LATS1: variants seen among roughly 807,000 people sequenced by gnomAD.
The protein encoded by LATS1 is large tumor suppressor kinase 1.
A neutral mutation model predicts 106.6 loss-of-function variants in LATS1; 25 were observed. That is an observed-to-expected ratio of 0.23 (90% CI 0.17 to 0.33). The LOEUF is 0.33. Ranked by LOEUF, LATS1 falls within the 10% of genes least tolerant of loss-of-function variation. The pLI, the probability that LATS1 is intolerant of heterozygous loss-of-function variation, is 1.00. For missense variants in LATS1, 1,040 were observed against 1,382.6 expected (o/e 0.75, Z 3.93); for synonymous variants, 465 against 455.6 (o/e 1.02, Z -0.26).
chr6:149,698,058 A>G (rs1022213674), intron 2 of LATS1, among the ~76,000 whole-genome samples: 1 of 152,148 alleles, frequency 6.6e-6, no homozygotes, highest in Non-Finnish European at 1.5e-5. Context: ...TGTTAAATGC[A>G]CTAGAATTTC....
rs187764871 is a variant in LATS1, at chr6:149,683,431, T to A, written c.1658A>T (p.Gln553Leu). ...MPPVAEAPNY[Q>L]GPPPPYPKHL... ...TTTTGGGTAGGGTGGTGGTGGTCCT[T>A]GATAGTTTGGAGCTTCAGCAACAGG... Residue 553 changes from glutamine to leucine, a missense_variant, in exon 4 of 8, where the codon CAA (glutamine) becomes CTA (leucine). By Grantham distance (113) the Gln-to-Leu change is moderately radical. Coordinates refer to ENST00000543571, the MANE Select transcript of LATS1 (RefSeq NM_004690.4). 4 of 1,614,138 alleles carry A rather than the reference T, an allele frequency of 2.5e-6. No individual in the cohort carries two copies. In the East Asian group the frequency reaches 6.7e-5, roughly 27 times the overall value.
chr6:149,683,826 T>C lies in LATS1; in HGVS notation c.1263A>G (p.Leu421=), dbSNP rs780378755. The part of the protein sequence containing the change: ...VPNRNSHNME[L]YNISVPGLQT... ...GCAGTCCAGGTACACTAATGTTATA[T>C]AGTTCCATGTTATGACTATTTCTGT... Residue 421 remains leucine (L), a synonymous_variant, in exon 4 of 8, where the codon CTA becomes CTG. Coordinates refer to ENST00000543571, the MANE Select transcript of LATS1 (RefSeq NM_004690.4). 14 of 1,613,980 alleles carry C rather than the reference T, an allele frequency of 8.7e-6. No homozygotes were observed. The highest frequency in any genetic ancestry group is 1.6e-4 in the Middle Eastern group (1 of 6,084).
At chr6:149,671,952 T>C (rs923223481) in intron 7 of LATS1, among the ~76,000 whole-genome samples, 1 of 151,044 alleles carries the variant, frequency 6.6e-6, no homozygotes, top group African/African-American at 2.4e-5. Flanking sequence ...ACAGTGGCAC[T>C]GTACGGGCTC....
At chr6:149,701,362 T>C (rs1380804653) in intron 2 of LATS1, among the ~76,000 whole-genome samples, 1 of 152,206 alleles carries the variant, frequency 6.6e-6, no homozygotes, top group Non-Finnish European at 1.5e-5. Flanking sequence ...TTACACAAAC[T>C]CTTAACTATA....
At chr6:149,692,465 C>G (rs1193746508) in intron 3 of LATS1, among the ~76,000 whole-genome samples, 1 of 152,056 alleles carries the variant, frequency 6.6e-6, no homozygotes, top group Non-Finnish European at 1.5e-5. Context: ...TACCATGTAA[C>G]TCTCCTCTCT....
intron 1 of LATS1, among the ~76,000 whole-genome samples, chr6:149,713,335 C>T (rs965262580): frequency 6.6e-6 from 1 of 151,986 alleles, no homozygotes; most frequent in South Asian, 2.1e-4. Context: ...CCCTCTGTTG[C>T]CCAGGCTGGA....
chr6:149,682,314 T>TA (rs1782083536), intron 4 of LATS1, among the ~76,000 whole-genome samples: 1 of 152,124 alleles, frequency 6.6e-6, no homozygotes, highest in South Asian at 2.1e-4. Flanking sequence ...TTACACTTTT[T>TA]AATAAGATAT....
chr6:149,708,752 C>G (rs183747475), intron 1 of LATS1, among the ~76,000 whole-genome samples: 1 of 152,216 alleles, frequency 6.6e-6, no homozygotes, highest in Non-Finnish European at 1.5e-5. Context: ...GAGAACCCTA[C>G]TGACTCCCAC....
intron 7 of LATS1, among the ~76,000 whole-genome samples, chr6:149,664,153 G>A (rs1489023416): frequency 3.5e-5 from 4 of 115,374 alleles, no homozygotes; most frequent in African/African-American, 1.0e-4. Context: ...GGATTTTTCA[G>A]TTTAAGGCAA....
intron 5 of LATS1, among the ~76,000 whole-genome samples, chr6:149,678,858 G>C (rs1440902550): frequency 6.6e-6 from 1 of 152,140 alleles, no homozygotes; most frequent in Non-Finnish European, 1.5e-5. Flanking sequence ...CTGCCTCACA[G>C]TGACATTGTG....
chr6:149,704,475 C>A (rs578127094), intron 1 of LATS1, among the ~76,000 whole-genome samples: 1 of 147,536 alleles, frequency 6.8e-6, no homozygotes, highest in African/African-American at 2.4e-5. Flanking sequence ...AATGGGTAAA[C>A]TTAGGGGTTT....
chr6:149,716,067 T>C (rs1368826740), intron 1 of LATS1: 2 of 151,752 alleles, frequency 1.3e-5, no homozygotes, highest in Non-Finnish European at 1.5e-5. Flanking sequence ...TTTTTAAAGT[T>C]CAGACCCTCA....
chr6:149,714,574 G>T (rs1784284487), intron 1 of LATS1, among the ~76,000 whole-genome samples: 2 of 152,074 alleles, frequency 1.3e-5, no homozygotes, highest in Non-Finnish European at 2.9e-5. Flanking sequence ...TTCAGAAGAA[G>T]CTGTTTAATT....
At chr6:149,700,113 C>T (rs1783369062) in intron 2 of LATS1, among the ~76,000 whole-genome samples, 1 of 152,140 alleles carries the variant, frequency 6.6e-6, no homozygotes, top group Admixed American at 6.6e-5. Flanking sequence ...ATTTTTAGAA[C>T]ACTTAAGTGT....
At chr6:149,710,298 A>G (rs531142130) in intron 1 of LATS1, among the ~76,000 whole-genome samples, 10 of 152,328 alleles carry the variant, frequency 6.6e-5, no homozygotes, top group African/African-American at 2.4e-4. Context: ...AAAATATTTT[A>G]CAGAGTTTGA....
intron 7 of LATS1, among the ~76,000 whole-genome samples, chr6:149,664,760 G>T (rs1012509698): frequency 6.6e-6 from 1 of 152,082 alleles, no homozygotes; most frequent in Admixed American, 6.6e-5. Flanking sequence ...TCACTATGTT[G>T]TCCACGCTGG....
rs1562364706 is a variant in LATS1, at chr6:149,716,846, C to T, written c.-141+1003G>A. 1.3e-5 allele frequency among the ~76,000 whole-genome samples: 2 copies of T among 152,152 alleles called. 1 individual carries two copies. Among genetic ancestry groups the T allele is most frequent in the South Asian group, 4.1e-4 (2 of 4,834 alleles). ...CCATTTTACCGTCAGAGATAATAAG[C>T]TTTGTTTTCGTAGCACAGAACATTC... On this transcript the variant is annotated intron_variant, in intron 1 of 7. Coordinates refer to ENST00000543571, the MANE Select transcript of LATS1 (RefSeq NM_004690.4).
chr6:149,700,558 A>T (rs1783393127), intron 2 of LATS1, among the ~76,000 whole-genome samples: 1 of 152,066 alleles, frequency 6.6e-6, no homozygotes. Flanking sequence ...ATGCATACTT[A>T]GGTTCTCATT....
In LATS1 at chr6:149,679,865, G is replaced by T; in HGVS notation, c.2593+10C>A. The T allele has an allele frequency of 1.3e-6, 2 of 1,527,540 alleles. No individual in the cohort carries two copies. Among genetic ancestry groups the T allele is most frequent in the East Asian group, 2.3e-5 (1 of 44,334 alleles). The allele number at this position is 1,527,540 out of a possible 1,614,324, so 94.6% of individuals were successfully genotyped here. On this transcript the variant is annotated intron_variant, in intron 5 of 7. Transcript: ENST00000543571. Reference sequence around the variant, plus strand: ...GAACAAACTAAAATAAATTTTATGAGTTTACTTACCACTCTGATAGTACTT... The same window carrying T: ...GAACAAACTAAAATAAATTTTATGATTTTACTTACCACTCTGATAGTACTT...
Sources: gnomAD v4.1 joint callset for allele counts (sites outside exome capture counted in the v4.1 genomes callset) on GRCh38, gnomAD v4.1.1 for gene constraint, MANE v1.5 for transcripts, NCBI Gene and HGNC (gene_info 2026-07-23, HGNC 2026-07-21) for gene names.